SENP2: variants seen among roughly 807,000 people sequenced by gnomAD.
SENP2 encodes sentrin-specific protease 2.
Under a neutral mutation model 86.3 loss-of-function variants are expected in SENP2, and 16 were observed. The observed-to-expected ratio is 0.19, with a 90% CI of 0.13 to 0.28. The LOEUF (loss-of-function observed/expected upper bound fraction) is 0.28. SENP2 is among the 10% of genes least tolerant of loss of function. The probability of loss-of-function intolerance (pLI) is 1.00; values close to 1 mark genes in which losing one functional copy is unlikely to be tolerated. For synonymous variants in SENP2, 222 were observed against 238.7 expected, an observed-to-expected ratio of 0.93 and a Z score of 0.64; for missense variants, 552 against 703.0, an observed-to-expected ratio of 0.79 and a Z score of 2.43.
chr3:185,616,693 T>C (rs1437152550), intron 11 of SENP2, among the ~76,000 whole-genome samples: 1 of 149,646 alleles, frequency 6.7e-6, no homozygotes, highest in Non-Finnish European at 1.5e-5. Flanking sequence ...GAGAATGGCG[T>C]GACCCCGGGA....
At chr3:185,591,310 G>A (rs1325348023) in intron 2 of SENP2, among the ~76,000 whole-genome samples, 3 of 152,010 alleles carry the variant, frequency 2.0e-5, no homozygotes, top group Non-Finnish European at 2.9e-5. Flanking sequence ...TGTAGACTGT[G>A]CATTTTAAAA....
At chr3:185,592,035 G>T (rs1343546269) in intron 2 of SENP2, among the ~76,000 whole-genome samples, 21 of 14,912 alleles carry the variant, frequency 1.4e-3, no homozygotes, top group East Asian at 4.1e-3. Context: ...TTTTTTTTTT[G>T]AGACAGGATC....
chr3:185,621,245 A>C (rs1264356818), intron 13 of SENP2, among the ~76,000 whole-genome samples: 2 of 133,598 alleles, frequency 1.5e-5, no homozygotes, highest in African/African-American at 5.8e-5. Flanking sequence ...AAAAAAAAAA[A>C]AGTCTCATCA....
intron 6 of SENP2, 190 bp from the exon 7 acceptor site, chr3:185,609,057 T>G (rs1722603495): frequency 4.0e-6 from 2 of 499,774 alleles, no homozygotes; most frequent in Admixed American, 3.4e-5. Context: ...TAGCCCTACA[T>G]ATAGATTGTG....
intron 11 of SENP2, among the ~76,000 whole-genome samples, chr3:185,616,775 C>CA (rs34897313): frequency 0.58 from 70,725 of 121,816 alleles, 20,628 homozygotes; most frequent in African/African-American, 0.78. Context: ...ACTCCGTCTC[C>CA]AAAAAAAAAA....
intron 8 of SENP2, 123 bp from the exon 9 acceptor site, chr3:185,612,484 T>C: frequency 1.5e-6 from 1 of 668,504 alleles, no homozygotes; most frequent in Admixed American, 2.7e-5. Flanking sequence ...GTCTTTGGAA[T>C]TCACTGTAGC....
At chr3:185,601,008 A>T (rs1429189090) in intron 5 of SENP2, among the ~76,000 whole-genome samples, 153 bp downstream of exon 5, 1 of 150,532 alleles carries the variant, frequency 6.6e-6, no homozygotes, top group Admixed American at 6.6e-5. Context: ...GAGAGACTTG[A>T]ACTTAGGGGT....
intron 2 of SENP2, among the ~76,000 whole-genome samples, chr3:185,590,711 A>T (rs557969544): frequency 6.8e-6 from 1 of 147,122 alleles, no homozygotes; most frequent in East Asian, 2.1e-4. Flanking sequence ...ACTAAACATT[A>T]AAAAATTAGC....
intron 3 of SENP2, 84 bp from the exon 4 acceptor site, chr3:185,598,874 A>G: frequency 9.3e-7 from 1 of 1,078,688 alleles, no homozygotes; most frequent in Non-Finnish European, 1.4e-6. Context: ...TGAGCTACCT[A>G]AGAAAAAGTT....
At chr3:185,589,998 T>C in intron 1 of SENP2, 116 bp from the exon 2 acceptor site, 1 of 536,052 alleles carries the variant, frequency 1.9e-6, no homozygotes, top group Non-Finnish European at 3.1e-6. Context: ...CAGTTGGATC[T>C]CATTTTATGA....
intron 7 of SENP2, among the ~76,000 whole-genome samples, chr3:185,609,909 T>C (rs1049953140): frequency 2.0e-5 from 3 of 152,176 alleles, no homozygotes; most frequent in Non-Finnish European, 4.4e-5. Flanking sequence ...TCCCAGGTCA[T>C]AACAATTTTC....
chr3:185,597,099 G>A (rs952194374), intron 2 of SENP2, among the ~76,000 whole-genome samples: 1 of 152,038 alleles, frequency 6.6e-6, no homozygotes, highest in South Asian at 2.1e-4. Flanking sequence ...TGATCTGCCT[G>A]CCTCGGCCTC....
At chr3:185,620,047 CT>C (rs1560200002) in intron 13 of SENP2, among the ~76,000 whole-genome samples, 1 of 149,780 alleles carries the variant, frequency 6.7e-6, no homozygotes, top group African/African-American at 2.5e-5. Context: ...TTTTCTTTTT[CT>C]TTTTCTTTTT....
chr3:185,628,664 C>T (rs139158503), intron 16 of SENP2, among the ~76,000 whole-genome samples: 2,935 of 152,134 alleles, frequency 0.019, 105 homozygotes, highest in African/African-American at 0.067. Flanking sequence ...GCGCCACCAC[C>T]CCTGGCTAAT....
Position 185,586,855 on chromosome 3 carries a change from TG to T in SENP2, c.101+342del, listed in dbSNP as rs1263574938. ...ACTGTTTACAAAGCACCCTCGCAAGTGTCATCTGCAGACATTAAGTGCAGTT... is the reference window on the plus strand; with the variant it reads ...ACTGTTTACAAAGCACCCTCGCAAGTTCATCTGCAGACATTAAGTGCAGTT... On this transcript the variant is annotated intron_variant, in intron 1 of 16. Coordinates refer to ENST00000296257, the MANE Select transcript of SENP2 (RefSeq NM_021627.3). The surrounding 1 kb of genome is among the most constrained non-coding windows in gnomAD (Gnocchi z 4.3). Among the ~76,000 whole-genome samples the T allele has an allele frequency of 6.6e-6, 1 of 152,202 alleles. No individual in the cohort carries two copies. Among genetic ancestry groups the T allele is most frequent in the East Asian group, 1.9e-4 (1 of 5,196 alleles).
At position 185,586,374 on chromosome 3, in the gene SENP2, T is replaced by G. The variant is rs1370510837; in HGVS notation, c.-40T>G. 6.2e-7 allele frequency: 1 copy of G among 1,612,010 alleles called. No homozygotes were observed. The highest frequency in any genetic ancestry group is 1.3e-5 in the African/African-American group (1 of 74,894). On this transcript the variant is annotated 5_prime_UTR_variant, in exon 1 of 17. Transcript: ENST00000296257. This position sits in a 1 kb window ranked among gnomAD's most constrained non-coding sequence, Gnocchi z 4.3. Reference sequence around the variant, plus strand: ...GGCGGCGACAGCTCTGGGGTTTGCGTCTCGGGGTGTGTCGGCCGCCGCTGC... The same window carrying G: ...GGCGGCGACAGCTCTGGGGTTTGCGGCTCGGGGTGTGTCGGCCGCCGCTGC...
In SENP2 at chr3:185,599,016, T is replaced by C. The variant is rs370115111; in HGVS notation, c.350T>C (p.Leu117Pro). 1.2e-6 allele frequency: 2 copies of C among 1,611,998 alleles called. No individual in the cohort carries two copies. Among genetic ancestry groups the C allele is most frequent in the Non-Finnish European group, 8.5e-7 (1 of 1,179,224 alleles). ...GGTTCTGGATCCTGGAACAACATGC[T>C]GAAACTGGGTGAGGTGGTCAAAAAT... ...LTGSGSWNNM[L>P]KLGNKSPNGI... Residue 117 changes from leucine (L) to proline (P), a missense_variant, in exon 4 of 17, where the codon CTG becomes CCG. By Grantham distance (98) the Leu-to-Pro change is moderately conservative. Transcript: ENST00000296257.
intron 1 of SENP2, among the ~76,000 whole-genome samples, chr3:185,588,251 G>T (rs1721864630): frequency 6.7e-6 from 1 of 148,892 alleles, no homozygotes; most frequent in African/African-American, 2.5e-5. Context: ...TAGAGACGGG[G>T]TTTCACCGTG....
At chr3:185,615,908 G>C (rs1203666740) in intron 11 of SENP2, among the ~76,000 whole-genome samples, 1 of 151,768 alleles carries the variant, frequency 6.6e-6, no homozygotes, top group Non-Finnish European at 1.5e-5. Flanking sequence ...CTGTTGGCAG[G>C]CTGGAGTGCA....
Sources: allele counts gnomAD v4.1 joint callset (sites outside exome capture counted in the v4.1 genomes callset), GRCh38; gene constraint gnomAD v4.1.1; non-coding constraint Gnocchi (gnomAD v3.1); transcripts MANE v1.5; gene names NCBI Gene and HGNC (gene_info 2026-07-23, HGNC 2026-07-21).